The following TAF2 variants were observed in gnomAD, a reference collection of about 807,000 sequenced individuals.
TAF2 encodes TATA-box binding protein associated factor 2.
A neutral mutation model predicts 138.5 loss-of-function variants in TAF2; 61 were observed. The ratio of observed to expected loss-of-function variants is 0.44; its 90% CI spans 0.36 to 0.54. TAF2 has a LOEUF of 0.54. Ranked by LOEUF, TAF2 falls within the 20% of genes least tolerant of loss-of-function variation. The pLI, the probability that TAF2 is intolerant of heterozygous loss-of-function variation, is 0.00. For synonymous variants in TAF2, 475 were observed against 469.9 expected (o/e 1.01, Z -0.14); for missense variants, 1,090 against 1,427.9 (o/e 0.76, Z 3.81).
chr8:119,828,810 T>C (rs1048637838), intron 2 of TAF2, among the ~76,000 whole-genome samples: 2 of 152,290 alleles, frequency 1.3e-5, no homozygotes, highest in East Asian at 3.9e-4. Context: ...ACTAACAGAA[T>C]AGCTCAGGGA....
rs148602422 is a variant in TAF2 at position 119,817,706 on chromosome 8, C to G, written c.299+1640G>C. On this transcript the variant is annotated intron_variant, in intron 3 of 25. Transcript: ENST00000378164. ...AGTAAAAAAGATGTACAGACACTGT[C>G]TTTTGTGACTGACAAACAGGCATCT... 4.7e-4 allele frequency among the ~76,000 whole-genome samples: 72 copies of G among 152,320 alleles called. No individual in the cohort carries two copies. The East Asian group carries it at 0.014, about 29-fold the overall frequency.
intron 8 of TAF2, among the ~76,000 whole-genome samples, chr8:119,796,283 G>A (rs957447626): frequency 9.9e-5 from 15 of 151,660 alleles, no homozygotes; most frequent in Admixed American, 4.6e-4. Flanking sequence ...TCTATCTTTA[G>A]TCTCTGCCCT....
At chr8:119,799,400 T>G (rs933814307) in intron 6 of TAF2, among the ~76,000 whole-genome samples, 2 of 150,160 alleles carry the variant, frequency 1.3e-5, no homozygotes, top group African/African-American at 2.4e-5. Context: ...AGTGAGAACA[T>G]GTGGTGTTTG....
chr8:119,802,088 C>CAA, intron 5 of TAF2, 63 bp from the exon 6 acceptor site: 1 of 1,331,658 alleles, frequency 7.5e-7, no homozygotes, highest in Non-Finnish European at 1.1e-6. Flanking sequence ...GTTTTCCCCA[C>CAA]ATGCAAGTTA....
intron 10 of TAF2, among the ~76,000 whole-genome samples, chr8:119,793,160 T>C (rs1215306517): frequency 6.6e-6 from 1 of 152,138 alleles, no homozygotes; most frequent in Non-Finnish European, 1.5e-5. Context: ...TTATAATCAA[T>C]CTGATATTTT....
At chr8:119,831,206 G>C (rs1051981746) in intron 2 of TAF2, among the ~76,000 whole-genome samples, 5 of 152,234 alleles carry the variant, frequency 3.3e-5, no homozygotes, top group African/African-American at 1.2e-4. Context: ...GGGAGGCAGG[G>C]GGAGGTAGAG....
intron 11 of TAF2, 87 bp from the exon 12 acceptor site, chr8:119,789,833 T>C (rs1823292780): frequency 3.2e-6 from 4 of 1,262,130 alleles, no homozygotes; most frequent in Admixed American, 2.0e-5. Flanking sequence ...AACTTTATTG[T>C]AGTCAATTAT....
intron 25 of TAF2, among the ~76,000 whole-genome samples, chr8:119,737,248 G>GT (rs1334902833): frequency 6.6e-6 from 1 of 152,104 alleles, no homozygotes; most frequent in Admixed American, 6.5e-5. Flanking sequence ...GAATTAGTAA[G>GT]TTTTTTAGGT....
At chr8:119,773,517 C>T (rs1821996156) in intron 18 of TAF2, among the ~76,000 whole-genome samples, 1 of 151,420 alleles carries the variant, frequency 6.6e-6, no homozygotes, top group Admixed American at 6.8e-5. Flanking sequence ...ATAATTTATA[C>T]AATAATAGAA....
At chr8:119,786,926 T>G (rs1484580656) in intron 14 of TAF2, among the ~76,000 whole-genome samples, 2 of 151,858 alleles carry the variant, frequency 1.3e-5, no homozygotes, top group African/African-American at 2.4e-5. Flanking sequence ...CTAAAAAAAT[T>G]AGGTACACCT....
At chr8:119,819,282 C>T in intron 3 of TAF2, 64 bp downstream of exon 3, 2 of 1,536,168 alleles carry the variant, frequency 1.3e-6, no homozygotes, top group Non-Finnish European at 1.8e-6. Flanking sequence ...AAAAACTAAT[C>T]CAATCATTAA....
intron 4 of TAF2, among the ~76,000 whole-genome samples, chr8:119,805,443 C>T (rs1227639618): frequency 2.6e-5 from 4 of 152,096 alleles, no homozygotes; most frequent in African/African-American, 2.4e-5. Context: ...CAGTGGCTCA[C>T]GCCTGTAATC....
intron 25 of TAF2, among the ~76,000 whole-genome samples, chr8:119,739,042 T>G (rs1261765420): frequency 4.0e-5 from 6 of 151,710 alleles, no homozygotes; most frequent in African/African-American, 1.5e-4. Flanking sequence ...ATTAAAAAAT[T>G]TACCAGAATT....
intron 2 of TAF2, among the ~76,000 whole-genome samples, chr8:119,821,491 G>A (rs546456749): frequency 8.1e-4 from 124 of 152,236 alleles, no homozygotes; most frequent in Middle Eastern, 3.4e-3. Flanking sequence ...ATAAACGAGG[G>A]TAGTGGAAAA....
At chr8:119,786,171 A>C (rs1382511474) in intron 14 of TAF2, among the ~76,000 whole-genome samples, 1 of 152,156 alleles carries the variant, frequency 6.6e-6, no homozygotes, top group Non-Finnish European at 1.5e-5. Context: ...ATACATACTA[A>C]TTGTTGTGTT....
intron 3 of TAF2, among the ~76,000 whole-genome samples, chr8:119,807,562 C>A (rs1365537961): frequency 6.6e-6 from 1 of 152,208 alleles, no homozygotes; most frequent in Non-Finnish European, 1.5e-5. Flanking sequence ...TGCCATCCTG[C>A]CGTTAGGTGT....
At chr8:119,818,506 A>T (rs1415592553) in intron 3 of TAF2, among the ~76,000 whole-genome samples, 2 of 152,230 alleles carry the variant, frequency 1.3e-5, no homozygotes, top group Non-Finnish European at 2.9e-5. Context: ...TAGTATTTAA[A>T]GTAGTAGACA....
At chr8:119,783,765 A>C (rs1222355749) in intron 15 of TAF2, 132 bp from the exon 16 acceptor site, 1 of 1,107,192 alleles carries the variant, frequency 9.0e-7, no homozygotes, top group Non-Finnish European at 1.3e-6. Flanking sequence ...CTGGAGTTTT[A>C]CTGTATTCAT....
intron 3 of TAF2, among the ~76,000 whole-genome samples, chr8:119,815,782 CA>C (rs1825422698): frequency 6.6e-6 from 1 of 152,184 alleles, no homozygotes; most frequent in South Asian, 2.1e-4. Flanking sequence ...AATCTATCTA[CA>C]ATCCATAAGA....
Sources: allele counts gnomAD v4.1 joint callset (sites outside exome capture counted in the v4.1 genomes callset), GRCh38; gene constraint gnomAD v4.1.1; transcripts MANE v1.5; gene names NCBI Gene and HGNC (gene_info 2026-07-23, HGNC 2026-07-21).